The following STX11 variants were observed in gnomAD, a reference collection of about 807,000 sequenced individuals.
The protein encoded by STX11 is syntaxin 11.
A neutral mutation model predicts 19.9 loss-of-function variants in STX11; 21 were observed. The observed-to-expected ratio is 1.06, with a 90% confidence interval of 0.75 to 1.52. The LOEUF (loss-of-function observed/expected upper bound fraction) is 1.52. Among genes scored for constraint, STX11 ranks in the 40% most tolerant of loss-of-function variants. The pLI, the probability that STX11 is intolerant of heterozygous loss-of-function variation, is 0.00. For synonymous variants in STX11, 193 were observed against 174.4 expected (o/e 1.11, Z -0.84); for missense variants, 438 against 405.9 (o/e 1.08, Z -0.68).
At position 144,176,936 on chromosome 6, in the gene STX11, T is replaced by C. The variant is rs1180860663; in HGVS notation, c.-5-9687T>C. Among the ~76,000 whole-genome samples the C allele has an allele frequency of 6.6e-6, 1 of 152,228 alleles. No individual in the cohort carries two copies. The highest frequency in any genetic ancestry group is 1.5e-5 in the Non-Finnish European group (1 of 68,034). ...CATTGATGATGTTGGATAACTCAGA[T>C]ATTTCCGTACCTTGTGTAAAAGATA... On this transcript the variant is annotated intron_variant, in intron 1 of 1. Transcript: ENST00000367568. The surrounding 1 kb of genome is among the most constrained non-coding windows in gnomAD (Gnocchi z 4.1).
rs1019190048 is a variant in STX11, at chr6:144,165,026, C to T, written c.-6+14323C>T. ...TAGCTTAAAAAGAGCACAGTTGCTA[C>T]ATGGAACAGTTTCAATTGGGGTAAA... On this transcript the variant is annotated intron_variant, in intron 1 of 1. Coordinates refer to ENST00000367568, the MANE Select transcript of STX11 (RefSeq NM_003764.4). This position sits in a 1 kb window ranked among gnomAD's most constrained non-coding sequence, Gnocchi z 5.8. Among the ~76,000 whole-genome samples the T allele has an allele frequency of 6.6e-6, 1 of 152,072 alleles. No homozygotes were observed. Among genetic ancestry groups the T allele is most frequent in the African/African-American group, 2.4e-5 (1 of 41,426 alleles).
rs1801091648 is a variant in STX11 at position 144,154,777 on chromosome 6, A to T, written c.-6+4074A>T. On this transcript the variant is annotated intron_variant, in intron 1 of 1. Transcript: ENST00000367568. The surrounding 1 kb of genome is among the most constrained non-coding windows in gnomAD (Gnocchi z 4.7). ...GCCTTACCTGCCTCTAACTTCCAGAATTTTATTAAGTGAGTCTGGTCCTGC... is the reference window on the plus strand; with the variant it reads ...GCCTTACCTGCCTCTAACTTCCAGATTTTTATTAAGTGAGTCTGGTCCTGC... Among the ~76,000 whole-genome samples, 1 of 152,106 alleles carries T rather than the reference A, an allele frequency of 6.6e-6. No individual in the cohort carries two copies. Among genetic ancestry groups the T allele is most frequent in the Non-Finnish European group, 1.5e-5 (1 of 68,024 alleles).
chr6:144,181,041 A>T lies in STX11; in HGVS notation c.-5-5582A>T, dbSNP rs149436126. On this transcript the variant is annotated intron_variant, in intron 1 of 1. Transcript: ENST00000367568. ...TAAAATGAAGGGATCAGAATAAACT[A>T]TTTCAAACATTCTTGATTCCTTTTC... 1.1e-4 allele frequency among the ~76,000 whole-genome samples: 17 copies of T among 152,328 alleles called. 1 individual carries two copies. The East Asian group carries it at 3.1e-3, about 28-fold the overall frequency.
chr6:144,157,920 T>C (rs1469470949), intron 1 of STX11, among the ~76,000 whole-genome samples: 2 of 151,480 alleles, frequency 1.3e-5, no homozygotes, highest in African/African-American at 2.4e-5. Flanking sequence ...ACCAGTCCAG[T>C]GTGTAGTCTG....
the STX11 span, chr6:144,140,806 C>T: frequency 1.0e-6 from 1 of 985,054 alleles, no homozygotes; most frequent in Non-Finnish European, 1.2e-6. Flanking sequence ...ATCTCAGCCC[C>T]AAAGTAAGGC....
At chr6:144,144,506 C>T in the STX11 span, among the ~76,000 whole-genome samples, 1 of 152,116 alleles carries the variant, frequency 6.6e-6, no homozygotes, top group Admixed American at 6.5e-5. Flanking sequence ...AGGTGGCTAC[C>T]AGAATCTAGA....
At chr6:144,150,863 C>A (rs1461517211) in intron 1 of STX11, among the ~76,000 whole-genome samples, 160 bp downstream of exon 1, 2 of 152,160 alleles carry the variant, frequency 1.3e-5, no homozygotes, top group African/African-American at 2.4e-5. Context: ...GTCCTCACGC[C>A]GCCTCTGGGC....
Position 144,167,954 on chromosome 6 carries a change from T to G in STX11, c.-6+17251T>G, listed in dbSNP as rs1480363579. On this transcript the variant is annotated intron_variant, in intron 1 of 1. Coordinates refer to ENST00000367568, the MANE Select transcript of STX11 (RefSeq NM_003764.4). The surrounding 1 kb of genome is among the most constrained non-coding windows in gnomAD (Gnocchi z 5.0). ...GTTCTTAGACTTATTCACACATAAGTACTTATGGTAAAAAAAATAACATAC... is the reference window on the plus strand; with the variant it reads ...GTTCTTAGACTTATTCACACATAAGGACTTATGGTAAAAAAAATAACATAC... Among the ~76,000 whole-genome samples, 1 of 152,182 alleles carries G rather than the reference T, an allele frequency of 6.6e-6. No homozygotes were observed. The highest frequency in any genetic ancestry group is 1.5e-5 in the Non-Finnish European group (1 of 68,036).
In STX11 at chr6:144,169,399, A is replaced by G. The variant is rs1322333402; in HGVS notation, c.-5-17224A>G. 1.3e-5 allele frequency among the ~76,000 whole-genome samples: 2 copies of G among 152,162 alleles called. No homozygotes were observed. The highest frequency in any genetic ancestry group is 4.8e-5 in the African/African-American group (2 of 41,432). On this transcript the variant is annotated intron_variant, in intron 1 of 1. Coordinates refer to ENST00000367568, the MANE Select transcript of STX11 (RefSeq NM_003764.4). The surrounding 1 kb of genome is among the most constrained non-coding windows in gnomAD (Gnocchi z 5.2). ...ATCAGCAGATGCTTCATCACCACAC[A>G]TCTTTGAAAATTTGATGCTGTGTCT...
In STX11 at chr6:144,154,846, A is replaced by G. The variant is rs1801093163; in HGVS notation, c.-6+4143A>G. Among the ~76,000 whole-genome samples, 1 of 152,210 alleles carries G rather than the reference A, an allele frequency of 6.6e-6. No homozygotes were observed. The highest frequency in any genetic ancestry group is 1.9e-4 in the East Asian group (1 of 5,202). ...GATTTTAACTTGGCAAAATGATTCA[A>G]GTATCTTGCATTCAGAACTTGCTTT... On this transcript the variant is annotated intron_variant, in intron 1 of 1. Transcript: ENST00000367568. The surrounding 1 kb of genome is among the most constrained non-coding windows in gnomAD (Gnocchi z 4.7).
At chr6:144,140,211 T>C in the STX11 span, among the ~76,000 whole-genome samples, 8 of 24,846 alleles carry the variant, frequency 3.2e-4, no homozygotes, top group African/African-American at 7.0e-4. Context: ...TCAATTCACA[T>C]ATATATATAT....
intron 1 of STX11, among the ~76,000 whole-genome samples, chr6:144,164,135 A>C (rs1166057426): frequency 6.6e-6 from 1 of 152,220 alleles, no homozygotes; most frequent in East Asian, 1.9e-4. Flanking sequence ...TCCCTGTCAG[A>C]GTAGCCTGTG....
At position 144,155,995 on chromosome 6, in the gene STX11, T is replaced by C. The variant is rs1169663080; in HGVS notation, c.-6+5292T>C. Reference sequence around the variant, plus strand: ...CTTTCTTTCTTTCTTTCTTTCTTTCTTTCTTTCTTTCTTTCTTTCTCTCTT... The same window carrying C: ...CTTTCTTTCTTTCTTTCTTTCTTTCCTTCTTTCTTTCTTTCTTTCTCTCTT... On this transcript the variant is annotated intron_variant, in intron 1 of 1. Coordinates refer to ENST00000367568, the MANE Select transcript of STX11 (RefSeq NM_003764.4). This position sits in a 1 kb window ranked among gnomAD's most constrained non-coding sequence, Gnocchi z 4.5. Among the ~76,000 whole-genome samples the C allele has an allele frequency of 6.1e-4, 81 of 132,164 alleles. No individual in the cohort carries two copies. The East Asian group carries it at 7.4e-3, about 12-fold the overall frequency. The allele number at this position is 132,164 out of a possible 152,430, so 86.7% of individuals were successfully genotyped here.
At chr6:144,143,067 T>G in the STX11 span, among the ~76,000 whole-genome samples, 1 of 152,218 alleles carries the variant, frequency 6.6e-6, no homozygotes, top group Non-Finnish European at 1.5e-5. Context: ...AAAAGATTTC[T>G]CATTTATATG....
In STX11 at chr6:144,187,885, G is replaced by T; in HGVS notation, c.*394G>T. Reference sequence around the variant, plus strand: ...TCTGCTAATAGAATGAACTCATGATGGAAACTTCAGTTCATTTACTTTGTC... The same window carrying T: ...TCTGCTAATAGAATGAACTCATGATTGAAACTTCAGTTCATTTACTTTGTC... On this transcript the variant is annotated 3_prime_UTR_variant, in exon 2 of 2. Coordinates refer to ENST00000367568, the MANE Select transcript of STX11 (RefSeq NM_003764.4). This position sits in a 1 kb window ranked among gnomAD's most constrained non-coding sequence, Gnocchi z 5.6. 1 of 347,276 alleles carries T rather than the reference G, an allele frequency of 2.9e-6. No individual in the cohort carries two copies. Among genetic ancestry groups the T allele is most frequent in the Non-Finnish European group, 5.6e-6 (1 of 177,864 alleles). 21.5% of individuals were successfully genotyped at this position (347,276 alleles called of 1,614,324 possible).
chr6:144,149,624 C>T (rs551194281), upstream of STX11, among the ~76,000 whole-genome samples: 1 of 152,092 alleles, frequency 6.6e-6, no homozygotes, highest in African/African-American at 2.4e-5. The surrounding 1 kb of genome is among the most constrained non-coding windows in gnomAD (Gnocchi z 5.1). Context: ...TCACAGCGTG[C>T]GCCACCACGC....
At chr6:144,149,282 T>C (rs968388146), upstream of STX11, among the ~76,000 whole-genome samples, 2 of 152,224 alleles carry the variant, frequency 1.3e-5, no homozygotes, top group African/African-American at 4.8e-5. The surrounding 1 kb of genome is among the most constrained non-coding windows in gnomAD (Gnocchi z 5.1). Flanking sequence ...CCGCCTTTTA[T>C]TTATTTATTC....
At position 144,150,695 on chromosome 6, in the gene STX11, C is replaced by T. The variant is rs1800980860; in HGVS notation, c.-14C>T. 1.0e-6 allele frequency: 1 copy of T among 985,178 alleles called. No homozygotes were observed. The highest frequency in any genetic ancestry group is 1.2e-6 in the Non-Finnish European group (1 of 829,958). The allele number at this position is 985,178 out of a possible 1,614,324, so 61.0% of individuals were successfully genotyped here. On this transcript the variant is annotated 5_prime_UTR_variant, in exon 1 of 2. Transcript: ENST00000367568. ...GGCTTCTCGGTTCGCACTCTCGCTC[C>T]CAGTCCAGGTTTGTTTTTCTCTTCC...
chr6:144,185,005 G>C (rs1186393769), intron 1 of STX11, among the ~76,000 whole-genome samples: 3 of 152,092 alleles, frequency 2.0e-5, no homozygotes, highest in Non-Finnish European at 2.9e-5. Flanking sequence ...TTTGGTCCAG[G>C]GTGGATCTTT....
Sources: gnomAD v4.1 joint callset for allele counts (sites outside exome capture counted in the v4.1 genomes callset) on GRCh38, gnomAD v4.1.1 for gene constraint, Gnocchi (gnomAD v3.1) non-coding constraint, MANE v1.5 for transcripts, NCBI Gene and HGNC (gene_info 2026-07-23, HGNC 2026-07-21) for gene names.